The following MAP4 variants were observed in gnomAD, a reference collection of about 807,000 sequenced individuals.
MAP4 encodes the protein microtubule associated protein 4.
Under a neutral mutation model 170.2 loss-of-function variants are expected in MAP4, and 76 were observed. That is an observed-to-expected ratio of 0.45 (90% CI 0.37 to 0.54). The LOEUF (loss-of-function observed/expected upper bound fraction) is 0.54. MAP4 is among the 20% of genes least tolerant of loss of function. The pLI is 0.00. For synonymous variants in MAP4, 909 were observed against 994.5 expected (o/e 0.91, Z 1.62); for missense variants, 2,506 against 2,748.0 (o/e 0.91, Z 1.97).
At chr3:48,048,585 A>G (rs1321665758) in intron 1 of MAP4, among the ~76,000 whole-genome samples, 1 of 134,042 alleles carries the variant, frequency 7.5e-6, no homozygotes, top group South Asian at 2.4e-4. Flanking sequence ...TGGCAGCGCC[A>G]AGGCTCACTG....
chr3:47,912,588 A>G lies in MAP4; in HGVS notation c.2000-167T>C, dbSNP rs1257620773. 3.3e-5 allele frequency among the ~76,000 whole-genome samples: 5 copies of G among 152,254 alleles called. No individual in the cohort carries two copies. The East Asian group carries it at 9.6e-4, about 29-fold the overall frequency. ...TGCTCAGGAAAACAGTCTTTTCTAA[A>G]ACATTTCTCACTTTTAACTGGCGCT... On this transcript the variant is annotated intron_variant, in intron 8 of 20. Transcript: ENST00000683076.
At chr3:47,957,769 G>A (rs1469702601) in intron 3 of MAP4, among the ~76,000 whole-genome samples, 1 of 152,170 alleles carries the variant, frequency 6.6e-6, no homozygotes, top group East Asian at 1.9e-4. Context: ...CTAAGTTACA[G>A]TTTCAGGGAG....
chr3:47,865,739 G>C (rs1447235464), intron 17 of MAP4, among the ~76,000 whole-genome samples: 1 of 152,184 alleles, frequency 6.6e-6, no homozygotes, highest in East Asian at 1.9e-4. Context: ...GGCAAGACAG[G>C]CTGTCTCACT....
At chr3:47,963,638 A>C (rs998409213) in intron 3 of MAP4, among the ~76,000 whole-genome samples, 1 of 152,222 alleles carries the variant, frequency 6.6e-6, no homozygotes, top group Non-Finnish European at 1.5e-5. Flanking sequence ...ATAGATATTA[A>C]AGATTATTCA....
rs1219389260 is a variant in MAP4, at chr3:47,855,976, A to G, written c.6584-616T>C. ...TGGCCCCGAGGCTGTGCGCTGAGGA[A>G]GGAAAGACATGGACCAAGGCAGGCC... On this transcript the variant is annotated intron_variant, in intron 18 of 20. Coordinates refer to ENST00000683076, the MANE Select transcript of MAP4 (RefSeq NM_001385682.1). This position sits in a 1 kb window ranked among gnomAD's most constrained non-coding sequence, Gnocchi z 5.1. 6.6e-6 allele frequency among the ~76,000 whole-genome samples: 1 copy of G among 152,206 alleles called. No individual in the cohort carries two copies. The highest frequency in any genetic ancestry group is 1.9e-4 in the East Asian group (1 of 5,194).
chr3:48,071,693 G>A (rs2100141099), intron 1 of MAP4, among the ~76,000 whole-genome samples: 2 of 152,150 alleles, frequency 1.3e-5, no homozygotes, highest in African/African-American at 4.8e-5. Context: ...GGGAGGCCAA[G>A]GCAGGTAGAT....
At chr3:47,991,565 G>A (rs968059109) in intron 2 of MAP4, among the ~76,000 whole-genome samples, 1 of 152,206 alleles carries the variant, frequency 6.6e-6, no homozygotes, top group Non-Finnish European at 1.5e-5. Flanking sequence ...AGGAGCCTGA[G>A]GCAGGAGGAA....
At position 47,894,500 on chromosome 3, in the gene MAP4, G is replaced by A. The variant is rs780142174; in HGVS notation, c.5434+8450C>T. ...CAGGAGGCTGAGGCAGGAGAATGGC[G>A]TGAACCCACGAGGCGGAGCTTGCAG... On this transcript the variant is annotated intron_variant, in intron 10 of 20. Coordinates refer to ENST00000683076, the MANE Select transcript of MAP4 (RefSeq NM_001385682.1). 4.0e-5 allele frequency among the ~76,000 whole-genome samples: 6 copies of A among 151,896 alleles called. No homozygotes were observed. The East Asian group carries it at 5.8e-4, about 15-fold the overall frequency.
rs758676863 is a variant in MAP4 at position 47,914,893 on chromosome 3, C to T, written c.1923G>A (p.Glu641=). ...CCCCTAGTTTTTCTAACACAGAATC[C>T]TCCTCGGCCGGCAAGCTGCACTTTT... ...TGKKCSLPAE[E]DSVLEKLGER... The change falls in exon 8 of 21, where the codon GAG becomes GAA. Residue 641 remains glutamate, a synonymous_variant. Transcript: ENST00000683076. 9.3e-6 allele frequency: 15 copies of T among 1,613,982 alleles called. No homozygotes were observed. The highest frequency in any genetic ancestry group is 1.3e-5 in the Non-Finnish European group (15 of 1,180,028).
intron 1 of MAP4, among the ~76,000 whole-genome samples, chr3:48,061,649 G>A (rs1242210029): frequency 3.5e-5 from 5 of 140,974 alleles, no homozygotes; most frequent in East Asian, 2.0e-4. Flanking sequence ...CTGCCTGGCC[G>A]CCCATCGTCT....
intron 1 of MAP4, among the ~76,000 whole-genome samples, chr3:48,078,605 G>T (rs2100145062): frequency 6.6e-6 from 1 of 152,022 alleles, no homozygotes; most frequent in South Asian, 2.1e-4. Context: ...CCTTCTAAAG[G>T]TGAAACTTGA....
rs78418738 is a variant in MAP4, at chr3:48,086,889, T to C, written c.-20+1884A>G. On this transcript the variant is annotated intron_variant, in intron 1 of 18. Coordinates refer to the MAP4 transcript ENST00000360240. ...TTTGCATGAATAAATTCTCAAGCAC[T>C]TGAATCATCCCAATGTAAACCAAAA... Among the ~76,000 whole-genome samples the C allele has an allele frequency of 4.3e-3, 651 of 152,320 alleles. 5 individuals carry two copies. Among genetic ancestry groups the C allele is most frequent in the African/African-American group, 0.014 (590 of 41,576 alleles).
At chr3:47,893,027 A>G (rs1376795738) in intron 10 of MAP4, among the ~76,000 whole-genome samples, 3 of 62,382 alleles carry the variant, frequency 4.8e-5, no homozygotes, top group Non-Finnish European at 9.8e-5. Context: ...AAATTGGACT[A>G]AAAAAAAAAA....
At chr3:48,034,814 A>C (rs147126793) in intron 1 of MAP4, among the ~76,000 whole-genome samples, 97 of 152,130 alleles carry the variant, frequency 6.4e-4, no homozygotes, top group African/African-American at 2.2e-3. Flanking sequence ...GGAGTTCAAG[A>C]CCAGCCTAGG....
At chr3:47,920,262 C>T (rs1276274836) in intron 5 of MAP4, among the ~76,000 whole-genome samples, 1 of 150,880 alleles carries the variant, frequency 6.6e-6, no homozygotes, top group Non-Finnish European at 1.5e-5. Context: ...TGAGCCACCA[C>T]ACTCGGCCTA....
At chr3:48,069,023 G>A (rs1021288295) in intron 1 of MAP4, among the ~76,000 whole-genome samples, 5 of 152,182 alleles carry the variant, frequency 3.3e-5, no homozygotes, top group Admixed American at 6.6e-5. Context: ...AAATATCCGT[G>A]GTATTAAATT....
intron 17 of MAP4, among the ~76,000 whole-genome samples, chr3:47,859,380 A>G (rs552446437): frequency 6.6e-6 from 1 of 152,306 alleles, no homozygotes; most frequent in South Asian, 2.1e-4. Flanking sequence ...TATAGTCTTC[A>G]CCATGTTTCC....
chr3:48,014,870 T>C (rs2100107004), intron 1 of MAP4, among the ~76,000 whole-genome samples: 2 of 152,192 alleles, frequency 1.3e-5, no homozygotes, highest in Non-Finnish European at 1.5e-5. Context: ...GGAAAGACCA[T>C]TGTTCATCCC....
chr3:47,956,997 T>C (rs1301523088), intron 3 of MAP4, among the ~76,000 whole-genome samples: 1 of 152,256 alleles, frequency 6.6e-6, no homozygotes, highest in Non-Finnish European at 1.5e-5. Flanking sequence ...GCTGGACTTC[T>C]ATTATGGGGA....
Sources: allele counts gnomAD v4.1 joint callset (sites outside exome capture counted in the v4.1 genomes callset), GRCh38; gene constraint gnomAD v4.1.1; non-coding constraint Gnocchi (gnomAD v3.1); transcripts MANE v1.5; gene names NCBI Gene and HGNC (gene_info 2026-07-23, HGNC 2026-07-21).